Variants in CDH19 observed in about 807,000 individuals in gnomAD.
CDH19 encodes cadherin-19.
In CDH19, 67 loss-of-function variants were observed where a neutral mutation model predicts 64.2. The ratio of observed to expected loss-of-function variants is 1.04; its 90% CI spans 0.86 to 1.28. The LOEUF is 1.28. Among genes scored for constraint, CDH19 ranks in the 50% most tolerant of loss-of-function variants. The pLI, the probability that CDH19 is intolerant of heterozygous loss-of-function variation, is 0.00. For missense variants in CDH19, 1,030 were observed against 929.0 expected (o/e 1.11, Z -1.41); for synonymous variants, 346 against 319.3 (o/e 1.08, Z -0.89).
chr18:66,569,259 T>C (rs1033311317), intron 2 of CDH19, among the ~76,000 whole-genome samples: 2 of 151,760 alleles, frequency 1.3e-5, no homozygotes, highest in Non-Finnish European at 2.9e-5. Flanking sequence ...TATATTAGTG[T>C]TCTCAAGTAA....
chr18:66,501,107 A>G lies in CDH19; in HGVS notation c.*3705T>C, dbSNP rs1301353274. Reference sequence around the variant, plus strand: ...ATTTTGAAAAATACTTTAATTCCATATTAATATTCTATAAAAATAGTCAAT... The same window carrying G: ...ATTTTGAAAAATACTTTAATTCCATGTTAATATTCTATAAAAATAGTCAAT... On this transcript the variant is annotated 3_prime_UTR_variant, in exon 12 of 12. Coordinates refer to ENST00000262150, the MANE Select transcript of CDH19 (RefSeq NM_021153.4). 1 of 152,158 alleles carries G rather than the reference A, an allele frequency of 6.6e-6. No individual in the cohort carries two copies. The highest frequency in any genetic ancestry group is 1.5e-5 in the Non-Finnish European group (1 of 68,030). The allele number at this position is 152,158 out of a possible 1,614,324, so 9.4% of individuals were successfully genotyped here.
chr18:66,514,748 G>T (rs1329694032), intron 9 of CDH19, among the ~76,000 whole-genome samples: 1 of 151,330 alleles, frequency 6.6e-6, no homozygotes, highest in Non-Finnish European at 1.5e-5. Context: ...TTAAGAAAAA[G>T]TCACACATGG....
At chr18:66,581,675 T>C (rs1988424666) in intron 1 of CDH19, among the ~76,000 whole-genome samples, 1 of 152,076 alleles carries the variant, frequency 6.6e-6, no homozygotes, top group Non-Finnish European at 1.5e-5. Flanking sequence ...AGTGGTTTGC[T>C]GGGGGCCTCT....
chr18:66,511,211 A>G (rs1451229182), intron 10 of CDH19, among the ~76,000 whole-genome samples: 1 of 151,722 alleles, frequency 6.6e-6, no homozygotes, highest in African/African-American at 2.4e-5. Context: ...ACTAAAATAA[A>G]TATCATTTTC....
chr18:66,572,843 G>A (rs1274899318), intron 1 of CDH19, among the ~76,000 whole-genome samples: 3 of 151,664 alleles, frequency 2.0e-5, no homozygotes, highest in Non-Finnish European at 4.4e-5. Flanking sequence ...CAGTTACACT[G>A]ATACTATAAA....
intron 5 of CDH19, among the ~76,000 whole-genome samples, chr18:66,546,145 C>T (rs1220177810): frequency 6.6e-6 from 1 of 152,040 alleles, no homozygotes; most frequent in Non-Finnish European, 1.5e-5. Flanking sequence ...TAATAAAATT[C>T]TTCTTTAAAG....
intron 8 of CDH19, among the ~76,000 whole-genome samples, chr18:66,533,699 A>G (rs932503575): frequency 6.6e-6 from 1 of 152,078 alleles, no homozygotes; most frequent in African/African-American, 2.4e-5. Context: ...TCCAGAAAAG[A>G]GACTAAGCAC....
chr18:66,565,035 T>G (rs972902556), intron 3 of CDH19, among the ~76,000 whole-genome samples: 2 of 151,904 alleles, frequency 1.3e-5, no homozygotes, highest in Admixed American at 6.6e-5. Context: ...TTCTAATCAC[T>G]TATTTAGCAT....
At chr18:66,596,774 A>T (rs1450348351) in intron 1 of CDH19, among the ~76,000 whole-genome samples, 5 of 152,080 alleles carry the variant, frequency 3.3e-5, no homozygotes, top group South Asian at 4.1e-4. Flanking sequence ...AAAGACATTC[A>T]TCACAAAATT....
intron 9 of CDH19, among the ~76,000 whole-genome samples, chr18:66,520,665 A>C (rs1985945202): frequency 6.6e-6 from 1 of 152,102 alleles, no homozygotes; most frequent in African/African-American, 2.4e-5. Context: ...GCATTATAAA[A>C]AAAGTGAACC....
intron 1 of CDH19, among the ~76,000 whole-genome samples, chr18:66,600,101 T>C (rs1989001967): frequency 6.6e-6 from 1 of 151,862 alleles, no homozygotes; most frequent in African/African-American, 2.4e-5. Flanking sequence ...ATACTTTCTT[T>C]TAGTACTTAA....
intron 9 of CDH19, among the ~76,000 whole-genome samples, chr18:66,529,593 T>C (rs1224551054): frequency 1.3e-5 from 2 of 148,468 alleles, no homozygotes; most frequent in Non-Finnish European, 3.0e-5. Flanking sequence ...AATAAATTTT[T>C]TGATGTTTTA....
chr18:66,521,970 G>A (rs987625113), intron 9 of CDH19, among the ~76,000 whole-genome samples: 2 of 149,734 alleles, frequency 1.3e-5, no homozygotes, highest in African/African-American at 2.4e-5. Flanking sequence ...GTTTCGAGAC[G>A]GAGTTTCTCT....
chr18:66,600,186 A>T (rs550497469), intron 1 of CDH19, among the ~76,000 whole-genome samples: 6 of 151,986 alleles, frequency 3.9e-5, no homozygotes, highest in African/African-American at 1.4e-4. Flanking sequence ...TATTCCTAAA[A>T]TTTTAAATTA....
At chr18:66,561,626 T>C (rs976720113) in intron 3 of CDH19, among the ~76,000 whole-genome samples, 10 of 152,130 alleles carry the variant, frequency 6.6e-5, no homozygotes, top group Admixed American at 5.9e-4. Flanking sequence ...AAGTTCAGCA[T>C]GCATACCTGA....
intron 5 of CDH19, among the ~76,000 whole-genome samples, chr18:66,549,710 T>C (rs2144509106): frequency 6.6e-6 from 1 of 152,210 alleles, no homozygotes; most frequent in African/African-American, 2.4e-5. Flanking sequence ...TATTGAAAAA[T>C]CAAAAGATCT....
At chr18:66,593,899 A>T (rs1284558037) in intron 1 of CDH19, among the ~76,000 whole-genome samples, 1 of 152,142 alleles carries the variant, frequency 6.6e-6, no homozygotes, top group Non-Finnish European at 1.5e-5. Flanking sequence ...GAAAACAGAG[A>T]GTTGGGATGA....
At chr18:66,558,919 C>T (rs940023531) in intron 3 of CDH19, among the ~76,000 whole-genome samples, 1 of 151,924 alleles carries the variant, frequency 6.6e-6, no homozygotes, top group Non-Finnish European at 1.5e-5. Flanking sequence ...TGAATACCAC[C>T]ACAATGCTCT....
chr18:66,533,966 ATATTTTCCC>A (rs1292373018), intron 8 of CDH19, among the ~76,000 whole-genome samples: 1 of 152,020 alleles, frequency 6.6e-6, no homozygotes, highest in Non-Finnish European at 1.5e-5. Flanking sequence ...GCAGTTACAC[ATATTTTCCC>A]CAAATAGATC....
Sources: gnomAD v4.1 joint callset for allele counts (sites outside exome capture counted in the v4.1 genomes callset) on GRCh38, gnomAD v4.1.1 for gene constraint, MANE v1.5 for transcripts, NCBI Gene and HGNC (gene_info 2026-07-23, HGNC 2026-07-21) for gene names.